Variants in TAFA2 observed in about 807,000 individuals in gnomAD.
TAFA2 encodes the protein TAFA chemokine like family member 2, also known as chemokine-like protein TAFA-2.
A neutral mutation model predicts 18.8 loss-of-function variants in TAFA2; 7 were observed. The ratio of observed to expected loss-of-function variants is 0.37; its 90% CI spans 0.21 to 0.70. The LOEUF (loss-of-function observed/expected upper bound fraction) is 0.70. Ranked by LOEUF, TAFA2 falls within the 30% of genes least tolerant of loss-of-function variation. The probability of loss-of-function intolerance (pLI) is 0.53; values close to 1 mark genes in which losing one functional copy is unlikely to be tolerated. For missense variants in TAFA2, 122 were observed against 158.1 expected (o/e 0.77, Z 1.23); for synonymous variants, 60 against 54.2 (o/e 1.11, Z -0.47).
rs191966073 is a variant in TAFA2, at chr12:62,052,794, C to T, written c.-2+138465G>A. On this transcript the variant is annotated intron_variant, in intron 1 of 4. Transcript: ENST00000416284. Reference sequence around the variant, plus strand: ...GATTTGTGGAGATATTAGCCACAAACGAAGACTGTATCCAAGCACCGATAT... The same window carrying T: ...GATTTGTGGAGATATTAGCCACAAATGAAGACTGTATCCAAGCACCGATAT... 2.8e-4 allele frequency among the ~76,000 whole-genome samples: 43 copies of T among 152,228 alleles called. 1 individual carries two copies. The East Asian group carries it at 5.4e-3, about 19-fold the overall frequency.
rs145281409 is a variant in TAFA2, at chr12:61,793,144, T to C, written c.107-38120A>G. 1.0e-3 allele frequency among the ~76,000 whole-genome samples: 152 copies of C among 151,688 alleles called. 1 individual carries two copies. The highest frequency in any genetic ancestry group is 3.5e-3 in the African/African-American group (147 of 41,504). Reference sequence around the variant, plus strand: ...GGCACCTTATAGCACTAAGCATCTATATTATAAAAGAATAAAGATCTCAAA... The same window carrying C: ...GGCACCTTATAGCACTAAGCATCTACATTATAAAAGAATAAAGATCTCAAA... On this transcript the variant is annotated intron_variant, in intron 2 of 4. Transcript: ENST00000416284.
chr12:61,812,861 C>T (rs527366674), intron 2 of TAFA2, among the ~76,000 whole-genome samples: 10 of 151,516 alleles, frequency 6.6e-5, no homozygotes, highest in South Asian at 2.1e-4. Context: ...TGAGCCACCA[C>T]GCCCAGCCAA....
intron 1 of TAFA2, among the ~76,000 whole-genome samples, chr12:61,899,651 A>G (rs1162141419): frequency 6.6e-6 from 1 of 152,196 alleles, no homozygotes. Context: ...TGTAGGGATT[A>G]TGGGAATTAT....
chr12:61,784,338 A>G (rs920932316), intron 2 of TAFA2, among the ~76,000 whole-genome samples: 1 of 151,536 alleles, frequency 6.6e-6, no homozygotes, highest in Non-Finnish European at 1.5e-5. Context: ...CTGGGAGCAT[A>G]GTACTGCCAA....
chr12:61,812,659 T>G lies in TAFA2; in HGVS notation c.106+54661A>C, dbSNP rs529837347. Among the ~76,000 whole-genome samples, 4 of 150,044 alleles carry G rather than the reference T, an allele frequency of 2.7e-5. No individual in the cohort carries two copies. In the East Asian group the frequency reaches 7.8e-4, roughly 29 times the overall value. On this transcript the variant is annotated intron_variant, in intron 2 of 4. Transcript: ENST00000416284. ...ATCTTAGCTCACTACAACCTCTGAC[T>G]CCAGGATTCAAGTGATTCTCCTACC...
chr12:62,032,458 TA>T (rs530078338), intron 1 of TAFA2, among the ~76,000 whole-genome samples: 1 of 152,140 alleles, frequency 6.6e-6, no homozygotes, highest in South Asian at 2.1e-4. Context: ...TTATAAGGAA[TA>T]AAAAACATTA....
chr12:62,094,452 C>T (rs1370519826), intron 1 of TAFA2, among the ~76,000 whole-genome samples: 1 of 151,644 alleles, frequency 6.6e-6, no homozygotes, highest in African/African-American at 2.4e-5. Context: ...ACGCATGTAA[C>T]CAAAAACCAC....
chr12:62,213,741 G>A (rs778733226), intron 1 of TAFA2, among the ~76,000 whole-genome samples: 1 of 152,002 alleles, frequency 6.6e-6, no homozygotes, highest in Non-Finnish European at 1.5e-5. Context: ...TACAATCCAA[G>A]TTAAATAATA....
intron 1 of TAFA2, among the ~76,000 whole-genome samples, chr12:62,217,752 T>C (rs2062741703): frequency 6.6e-6 from 1 of 152,176 alleles, no homozygotes; most frequent in Admixed American, 6.5e-5. Flanking sequence ...CTTCCTCTGC[T>C]CTCTCACAGA....
intron 1 of TAFA2, among the ~76,000 whole-genome samples, chr12:62,072,676 C>T (rs942610651): frequency 1.3e-5 from 2 of 152,006 alleles, no homozygotes; most frequent in Admixed American, 6.6e-5. Flanking sequence ...CAGCCAGCTA[C>T]TTGGGAGGCT....
intron 1 of TAFA2, among the ~76,000 whole-genome samples, chr12:61,990,300 T>A (rs1393161297): frequency 6.6e-6 from 1 of 151,938 alleles, no homozygotes; most frequent in Non-Finnish European, 1.5e-5. Context: ...TATTAGACTA[T>A]TTATTAAGTG....
intron 2 of TAFA2, among the ~76,000 whole-genome samples, chr12:61,806,785 A>C (rs1303830255): frequency 6.6e-6 from 1 of 152,196 alleles, no homozygotes; most frequent in Admixed American, 6.5e-5. Flanking sequence ...GTTTTAGCAA[A>C]GGGACTGGTG....
At chr12:62,069,209 A>T (rs757795916) in intron 1 of TAFA2, among the ~76,000 whole-genome samples, 1 of 152,084 alleles carries the variant, frequency 6.6e-6, no homozygotes, top group Admixed American at 6.6e-5. Flanking sequence ...CAGCCTATTA[A>T]CCTTTTTAGT....
At chr12:61,917,966 T>A (rs1251786742) in intron 1 of TAFA2, among the ~76,000 whole-genome samples, 1 of 152,178 alleles carries the variant, frequency 6.6e-6, no homozygotes, top group African/African-American at 2.4e-5. Flanking sequence ...AGCTAGGGAT[T>A]CTCAAGTTAC....
intron 1 of TAFA2, among the ~76,000 whole-genome samples, chr12:62,031,936 T>C (rs1006458198): frequency 1.1e-4 from 17 of 152,338 alleles, no homozygotes; most frequent in Non-Finnish European, 1.8e-4. Flanking sequence ...ATTTAGCTAG[T>C]ATATTATGAG....
At chr12:62,111,072 G>A (rs1026962579) in intron 1 of TAFA2, among the ~76,000 whole-genome samples, 15 of 151,952 alleles carry the variant, frequency 9.9e-5, no homozygotes, top group Admixed American at 2.0e-4. Flanking sequence ...TTTCAATTTT[G>A]ATGTTAGGGT....
intron 1 of TAFA2, among the ~76,000 whole-genome samples, chr12:62,135,195 C>T (rs1232044185): frequency 6.6e-6 from 1 of 152,002 alleles, no homozygotes; most frequent in African/African-American, 2.4e-5. Flanking sequence ...AAACCTATTC[C>T]CTTCCCTCTT....
At chr12:62,002,955 T>C (rs921172068) in intron 1 of TAFA2, among the ~76,000 whole-genome samples, 14 of 152,216 alleles carry the variant, frequency 9.2e-5, no homozygotes, top group African/African-American at 3.4e-4. Flanking sequence ...CAATTTTTTA[T>C]GTCCTTCACC....
chr12:61,744,399 A>G (rs1386424319), intron 4 of TAFA2, among the ~76,000 whole-genome samples: 1 of 152,138 alleles, frequency 6.6e-6, no homozygotes, highest in Admixed American at 6.6e-5. Flanking sequence ...TTCAATTACA[A>G]AAATACAGGC....
Sources: allele counts gnomAD v4.1 joint callset (sites outside exome capture counted in the v4.1 genomes callset), GRCh38; gene constraint gnomAD v4.1.1; transcripts MANE v1.5; gene names NCBI Gene and HGNC (gene_info 2026-07-23, HGNC 2026-07-21).